FREM2: variants seen among roughly 807,000 people sequenced by gnomAD.
FREM2 encodes FRAS1 related extracellular matrix 2.
In FREM2, 119 loss-of-function variants were observed where a neutral mutation model predicts 219.9. The observed-to-expected ratio is 0.54, with a 90% CI of 0.47 to 0.63. FREM2 has a LOEUF of 0.63. FREM2 is among the 30% of genes least tolerant of loss of function. The pLI is 0.00. For synonymous variants in FREM2, 1,562 were observed against 1,522.8 expected (o/e 1.03, Z -0.60); for missense variants, 4,030 against 3,993.6 (o/e 1.01, Z -0.25).
At chr13:38,851,181 A>G (rs1248390993) in intron 10 of FREM2, 73 bp downstream of exon 10, 1 of 1,510,350 alleles carries the variant, frequency 6.6e-7, no homozygotes. Context: ...GTTTTAAGTG[A>G]CTCAGAAAAA....
intron 1 of FREM2, among the ~76,000 whole-genome samples, chr13:38,693,402 C>T (rs1869980472): frequency 6.6e-6 from 1 of 152,192 alleles, no homozygotes; most frequent in Non-Finnish European, 1.5e-5. Flanking sequence ...CTTTAGGCAA[C>T]AGGATTTTTC....
intron 6 of FREM2, among the ~76,000 whole-genome samples, chr13:38,813,594 C>G (rs1337711088): frequency 3.1e-5 from 2 of 65,206 alleles, no homozygotes; most frequent in Admixed American, 1.6e-4. Context: ...TATATATATC[C>G]CTCTCTCTCT....
chr13:38,723,480 CT>C (rs1427557348), intron 2 of FREM2, among the ~76,000 whole-genome samples: 2 of 152,074 alleles, frequency 1.3e-5, no homozygotes, highest in Non-Finnish European at 2.9e-5. Flanking sequence ...GGCTTTTAAA[CT>C]GGGGCTGGAT....
chr13:38,769,486 A>G (rs1873566503), intron 3 of FREM2, 92 bp from the exon 4 acceptor site: 1 of 1,158,948 alleles, frequency 8.6e-7, no homozygotes, highest in Non-Finnish European at 1.3e-6. Context: ...TTTGCTTTTC[A>G]GGATAAAATG....
In FREM2 at chr13:38,876,374, T is replaced by C; in HGVS notation, c.8536T>C (p.Phe2846Leu). ...EPVTFDLDIR[F>L]QQVSDPVAAE... is the part of the protein sequence containing the mutation. ...TGTCACCTTTGACCTTGACATCCGA[T>C]TCCAACAGGTGTGGCTTATAGAATT... Residue 2846 changes from phenylalanine to leucine, a missense_variant, in exon 20 of 24, where the codon TTC becomes CTC. This residue lies in a region of FREM2 where 928 missense variants were observed against 1,042.9 expected (regional missense o/e 0.89). Coordinates refer to ENST00000280481, the MANE Select transcript of FREM2 (RefSeq NM_207361.6). 1 of 1,613,660 alleles carries C rather than the reference T, an allele frequency of 6.2e-7. No individual in the cohort carries two copies. Among genetic ancestry groups the C allele is most frequent in the Non-Finnish European group, 8.5e-7 (1 of 1,179,730 alleles).
In FREM2 at chr13:38,850,070, A is replaced by G. The variant is rs1351091524; in HGVS notation, c.6412A>G (p.Thr2138Ala). Residue 2138 changes from threonine to alanine, a missense_variant, in exon 9 of 24, where the codon ACT (threonine) becomes GCT (alanine). Transcript: ENST00000280481. Reference sequence around the variant, plus strand: ...GATGCAATTCAAAGAACGAATATATACTGGCAGCGAAAGTGATGGGCAGAT... The same window carrying G: ...GATGCAATTCAAAGAACGAATATATGCTGGCAGCGAAAGTGATGGGCAGAT... ...PKMQFKERIY[T>A]GSESDGQIVT... 1 of 1,613,980 alleles carries G rather than the reference A, an allele frequency of 6.2e-7. No individual in the cohort carries two copies. Among genetic ancestry groups the G allele is most frequent in the Non-Finnish European group, 8.5e-7 (1 of 1,179,884 alleles).
chr13:38,749,055 T>C (rs1241842127), intron 2 of FREM2, among the ~76,000 whole-genome samples: 1 of 152,176 alleles, frequency 6.6e-6, no homozygotes, highest in African/African-American at 2.4e-5. Flanking sequence ...GCAGTGACCT[T>C]AGGAAGCCTT....
intron 2 of FREM2, among the ~76,000 whole-genome samples, chr13:38,737,110 G>A (rs1872030258): frequency 6.6e-6 from 1 of 152,110 alleles, no homozygotes; most frequent in South Asian, 2.1e-4. Flanking sequence ...TATCATGTGT[G>A]GGGATTTCAG....
rs1209092977 is a variant in FREM2, at chr13:38,689,188, C to A, written c.1844C>A (p.Thr615Asn). The stretch of plus-strand genomic sequence containing the variant: ...ACGGGGCATCTGCTTCTCCGCCAAA[C>A]TCACCCTCCCCATGAGAAGCAGGAA... Reference protein sequence around the residue: ...LTTGHLLLRQTHPPHEKQELL... With the variant: ...LTTGHLLLRQNHPPHEKQELL... The change falls in exon 1 of 24, where the codon ACT (threonine) becomes AAT (asparagine). Residue 615 changes from threonine (T) to asparagine (N), a missense_variant. Around this residue, in one of 2 missense-constraint regions of FREM2, gnomAD observed 3,102 missense variants for 2,950.7 expected, o/e 1.05. Coordinates refer to ENST00000280481, the MANE Select transcript of FREM2 (RefSeq NM_207361.6). The A allele has an allele frequency of 1.2e-6, 2 of 1,614,092 alleles. No individual in the cohort carries two copies. Among genetic ancestry groups the A allele is most frequent in the Non-Finnish European group, 1.7e-6 (2 of 1,180,030 alleles).
intron 11 of FREM2, among the ~76,000 whole-genome samples, chr13:38,855,577 T>C (rs1877522829): frequency 6.6e-6 from 1 of 152,174 alleles, no homozygotes; most frequent in Admixed American, 6.5e-5. Flanking sequence ...TCGGCATTCC[T>C]AGCAACCTGG....
At chr13:38,754,339 C>G (rs1201770811) in intron 2 of FREM2, among the ~76,000 whole-genome samples, 1 of 152,242 alleles carries the variant, frequency 6.6e-6, no homozygotes, top group South Asian at 2.1e-4. Context: ...GAAACTCACT[C>G]GGATGACAGT....
chr13:38,704,191 T>G (rs1336042022), intron 2 of FREM2, among the ~76,000 whole-genome samples: 3 of 152,156 alleles, frequency 2.0e-5, no homozygotes, highest in Admixed American at 1.3e-4. Context: ...GTAAATTTCT[T>G]TATCGAATTA....
At chr13:38,808,735 T>C (rs1566149807) in intron 6 of FREM2, among the ~76,000 whole-genome samples, 1 of 151,896 alleles carries the variant, frequency 6.6e-6, no homozygotes, top group Non-Finnish European at 1.5e-5. Context: ...TCACTGATCA[T>C]AGGACACTAT....
chr13:38,781,719 T>G (rs1462227740), intron 4 of FREM2, among the ~76,000 whole-genome samples: 14 of 152,130 alleles, frequency 9.2e-5, no homozygotes, highest in African/African-American at 3.4e-4. Context: ...AATGAGTAAT[T>G]TAAAAAGAAT....
In FREM2 at chr13:38,799,058, C is replaced by T. The variant is rs886770246; in HGVS notation, c.6019+14250C>T. ...GTTCTTGCTTTTTGGTTCCCTGAGG[C>T]GCATCATTATGTTGTTTATTTGAAG... On this transcript the variant is annotated intron_variant, in intron 6 of 23. Transcript: ENST00000280481. Among the ~76,000 whole-genome samples, 5 of 151,668 alleles carry T rather than the reference C, an allele frequency of 3.3e-5. 1 individual carries two copies. Among genetic ancestry groups the T allele is most frequent in the South Asian group, 4.2e-4 (2 of 4,812 alleles).
chr13:38,690,933 G>T lies in FREM2; in HGVS notation c.3589G>T (p.Glu1197Ter). 6.2e-7 allele frequency: 1 copy of T among 1,614,172 alleles called. No individual in the cohort carries two copies. Among genetic ancestry groups the T allele is most frequent in the Non-Finnish European group, 8.5e-7 (1 of 1,180,026 alleles). Residue 1197 changes from glutamate to a stop codon, truncating the protein, a stop_gained, in exon 1 of 24, where the codon GAA becomes TAA. Coordinates refer to ENST00000280481, the MANE Select transcript of FREM2 (RefSeq NM_207361.6). LOFTEE classifies it high-confidence loss of function. The part of the protein sequence containing the change: ...NDEQPEMFMR[E>*]FMVMEGMSLV... ...TGAACAGCCAGAGATGTTTATGAGA[G>T]AATTTATGGTGATGGAAGGCATGAG...
At chr13:38,779,122 C>T (rs1389837124) in intron 4 of FREM2, among the ~76,000 whole-genome samples, 3 of 151,854 alleles carry the variant, frequency 2.0e-5, no homozygotes, top group Non-Finnish European at 4.4e-5. Context: ...CAAACTAACA[C>T]AGGAACAGAA....
intron 6 of FREM2, among the ~76,000 whole-genome samples, chr13:38,820,460 G>A (rs569110003): frequency 2.2e-4 from 34 of 152,016 alleles, no homozygotes; most frequent in Non-Finnish European, 4.4e-4. Context: ...GGAACCTCAA[G>A]ATCTCAGTCA....
In FREM2 at chr13:38,866,686, T is replaced by C. The variant is rs1193053029; in HGVS notation, c.7983+2080T>C. 3.8e-5 allele frequency among the ~76,000 whole-genome samples: 5 copies of C among 130,198 alleles called. No homozygotes were observed. The South Asian group carries it at 1.4e-3, about 35-fold the overall frequency. The allele number at this position is 130,198 out of a possible 152,430, so 85.4% of individuals were successfully genotyped here. On this transcript the variant is annotated intron_variant, in intron 16 of 23. Coordinates refer to ENST00000280481, the MANE Select transcript of FREM2 (RefSeq NM_207361.6). ...CCATCTCAAAAAAAAAAAAAAAAAA[T>C]CACTTCATGCTATTGAACTTCTCTG...
Sources: gnomAD v4.1 joint callset for allele counts (sites outside exome capture counted in the v4.1 genomes callset) on GRCh38, gnomAD v4.1.1 for gene constraint, gnomAD v4.1.1 regional missense constraint, MANE v1.5 for transcripts, NCBI Gene and HGNC (gene_info 2026-07-23, HGNC 2026-07-21) for gene names.